Variants in PRKG1 observed in about 807,000 individuals in gnomAD.
PRKG1 encodes cGMP-dependent protein kinase 1.
A neutral mutation model predicts 88.1 loss-of-function variants in PRKG1; 35 were observed. The ratio of observed to expected loss-of-function variants is 0.40; its 90% CI spans 0.30 to 0.53. PRKG1 has a LOEUF of 0.53. Among genes scored for constraint, PRKG1 ranks in the 20% least tolerant of loss-of-function variants. The pLI is 0.59. For synonymous variants in PRKG1, 303 were observed against 292.5 expected (o/e 1.04, Z -0.37); for missense variants, 540 against 839.8 (o/e 0.64, Z 4.41).
rs752948174 is a variant in PRKG1, at chr10:51,699,543, T to G, written c.593-105042T>G. On this transcript the variant is annotated intron_variant, in intron 3 of 17. Transcript: ENST00000373980. ...ATTGCCGGGTCTCTCACCGCCAAAC[T>G]CGACATGATTCCGGTTGTGCAGACA... The G allele has an allele frequency of 2.1e-5, 33 of 1,608,288 alleles. No homozygotes were observed. The highest frequency in any genetic ancestry group is 2.7e-5 in the Non-Finnish European group (32 of 1,177,140).
rs140767415 is a variant in PRKG1, at chr10:51,348,098, T to A, written c.479-119625T>A. Among the ~76,000 whole-genome samples, 56 of 151,826 alleles carry A rather than the reference T, an allele frequency of 3.7e-4. No homozygotes were observed. The East Asian group carries it at 0.01, about 28-fold the overall frequency. On this transcript the variant is annotated intron_variant, in intron 2 of 17. Transcript: ENST00000373980. The stretch of plus-strand genomic sequence containing the variant: ...AAAACAAAAACAAATGGCAACAAAG[T>A]TTGGGGAGAAAACACGTAACTTAAG...
At chr10:51,945,193 C>A (rs1377388537) in intron 5 of PRKG1, among the ~76,000 whole-genome samples, 21 of 148,716 alleles carry the variant, frequency 1.4e-4, no homozygotes, top group Admixed American at 2.7e-4. Flanking sequence ...TGAATTGATC[C>A]CTTTACCATT....
intron 7 of PRKG1, among the ~76,000 whole-genome samples, chr10:52,075,084 C>T (rs112276724): frequency 6.6e-5 from 10 of 152,168 alleles, no homozygotes; most frequent in African/African-American, 2.4e-4. Context: ...TTTCCTGGGC[C>T]ATTTCGAAAA....
intron 6 of PRKG1, among the ~76,000 whole-genome samples, chr10:52,056,769 C>G: frequency 6.6e-6 from 1 of 151,994 alleles, no homozygotes; most frequent in South Asian, 2.1e-4. Context: ...TTTATTCATT[C>G]TAATACTAAT....
intron 2 of PRKG1, among the ~76,000 whole-genome samples, chr10:51,373,334 A>G (rs1280605843): frequency 6.6e-6 from 1 of 152,232 alleles, no homozygotes; most frequent in Non-Finnish European, 1.5e-5. Context: ...TCTCTCAGAA[A>G]ACTGCAAGTA....
At chr10:52,168,551 C>T (rs575553713) in intron 9 of PRKG1, among the ~76,000 whole-genome samples, 2 of 152,264 alleles carry the variant, frequency 1.3e-5, no homozygotes, top group East Asian at 3.9e-4. Context: ...CATCAGACTT[C>T]CAAGCTGGCA....
chr10:52,085,254 C>G (rs1366882023), intron 7 of PRKG1, among the ~76,000 whole-genome samples: 1 of 151,404 alleles, frequency 6.6e-6, no homozygotes, highest in African/African-American at 2.4e-5. Flanking sequence ...AATTATTCTC[C>G]CTCCCTCCCT....
chr10:51,308,895 G>T (rs1216432378), intron 2 of PRKG1, among the ~76,000 whole-genome samples: 1 of 152,126 alleles, frequency 6.6e-6, no homozygotes. Context: ...CCTTTGAGGA[G>T]GGGGCACCAC....
chr10:52,035,790 A>G (rs1022440551), intron 5 of PRKG1, among the ~76,000 whole-genome samples: 1 of 152,138 alleles, frequency 6.6e-6, no homozygotes, highest in Non-Finnish European at 1.5e-5. Context: ...GTAGAGAGTG[A>G]GTTGAGCATA....
At chr10:51,177,678 C>A (rs1837231493) in intron 2 of PRKG1, among the ~76,000 whole-genome samples, 1 of 151,952 alleles carries the variant, frequency 6.6e-6, no homozygotes, top group Non-Finnish European at 1.5e-5. Flanking sequence ...ATATCATATA[C>A]AATGTATTTA....
At chr10:51,830,763 T>C (rs1346999601) in intron 4 of PRKG1, among the ~76,000 whole-genome samples, 1 of 151,968 alleles carries the variant, frequency 6.6e-6, no homozygotes, top group East Asian at 1.9e-4. Context: ...GGTTTCTTCA[T>C]GTTGGCCAGG....
rs78817869 is a variant in PRKG1, at chr10:51,496,851, C to T, written c.592+29015C>T. Among the ~76,000 whole-genome samples, 1,492 of 152,270 alleles carry T rather than the reference C, an allele frequency of 9.8e-3. 37 individuals carry two copies. The highest frequency in any genetic ancestry group is 0.034 in the African/African-American group (1,433 of 41,546). ...ACTTTGAAGCTATATTCTGAGTTGT[C>T]TTGTCATAACAAATTAACAGATGTA... On this transcript the variant is annotated intron_variant, in intron 3 of 17. Coordinates refer to ENST00000373980, the MANE Select transcript of PRKG1 (RefSeq NM_006258.4).
At chr10:51,005,037 G>A (rs568445935) in intron 1 of PRKG1, among the ~76,000 whole-genome samples, 19 of 152,002 alleles carry the variant, frequency 1.2e-4, no homozygotes, top group African/African-American at 3.9e-4. Context: ...TGGCAACCTC[G>A]GTAGAGATTT....
At chr10:51,692,992 GGTT>G (rs1841182838) in intron 3 of PRKG1, among the ~76,000 whole-genome samples, 1 of 151,936 alleles carries the variant, frequency 6.6e-6, no homozygotes, top group South Asian at 2.1e-4. Flanking sequence ...GGTTATAAAG[GGTT>G]GTTATTAAAT....
At chr10:52,050,699 A>G (rs1440079008) in intron 5 of PRKG1, among the ~76,000 whole-genome samples, 1 of 152,180 alleles carries the variant, frequency 6.6e-6, no homozygotes, top group Non-Finnish European at 1.5e-5. Context: ...ATGTTCGTTC[A>G]GTGAATGCCT....
intron 1 of PRKG1, among the ~76,000 whole-genome samples, chr10:51,053,972 G>A (rs1349375358): frequency 6.6e-6 from 1 of 151,974 alleles, no homozygotes; most frequent in African/African-American, 2.4e-5. Flanking sequence ...GCTAAGTACA[G>A]TAAAAATGAT....
At chr10:51,096,534 C>T (rs1016292081) in intron 1 of PRKG1, among the ~76,000 whole-genome samples, 64 of 152,224 alleles carry the variant, frequency 4.2e-4, no homozygotes, top group African/African-American at 1.5e-3. Context: ...GATTTCTCAT[C>T]TATAAAATGG....
At chr10:51,395,444 A>G (rs1450494301) in intron 2 of PRKG1, among the ~76,000 whole-genome samples, 1 of 152,150 alleles carries the variant, frequency 6.6e-6, no homozygotes, top group Non-Finnish European at 1.5e-5. Context: ...CTTAGTTCTT[A>G]TGCCTGCCCT....
At chr10:51,466,379 A>G (rs1431778742) in intron 2 of PRKG1, among the ~76,000 whole-genome samples, 1 of 151,986 alleles carries the variant, frequency 6.6e-6, no homozygotes, top group Non-Finnish European at 1.5e-5. Flanking sequence ...TTCCTGACTA[A>G]TTTCTTTACA....
Sources: gnomAD v4.1 joint callset for allele counts (sites outside exome capture counted in the v4.1 genomes callset) on GRCh38, gnomAD v4.1.1 for gene constraint, MANE v1.5 for transcripts, NCBI Gene and HGNC (gene_info 2026-07-23, HGNC 2026-07-21) for gene names.